Variants in RALYL observed in about 807,000 individuals in gnomAD.
The protein encoded by RALYL is RALY RNA binding protein like.
A neutral mutation model predicts 35.1 loss-of-function variants in RALYL; 29 were observed. The ratio of observed to expected loss-of-function variants is 0.83; its 90% CI spans 0.61 to 1.13. RALYL has a LOEUF of 1.13. Among genes scored for constraint, RALYL ranks in the 50% most tolerant of loss-of-function variants. The pLI is 0.00. For missense variants in RALYL, 359 were observed against 360.4 expected, an observed-to-expected ratio of 1.00 and a Z score of 0.03; for synonymous variants, 120 against 127.6, an observed-to-expected ratio of 0.94 and a Z score of 0.40.
At chr8:84,198,892 T>A (rs1816121897) in intron 1 of RALYL, among the ~76,000 whole-genome samples, 1 of 152,214 alleles carries the variant, frequency 6.6e-6, no homozygotes, top group Non-Finnish European at 1.5e-5. Context: ...TTTATCCATT[T>A]ATCTGTTGAT....
At chr8:84,564,939 A>C (rs2135665157) in intron 2 of RALYL, among the ~76,000 whole-genome samples, 1 of 151,846 alleles carries the variant, frequency 6.6e-6, no homozygotes, top group South Asian at 2.1e-4. Context: ...CTCATGCCGC[A>C]TTCATGCAAT....
chr8:84,763,762 A>T (rs1427014888), intron 2 of RALYL, among the ~76,000 whole-genome samples: 1 of 152,222 alleles, frequency 6.6e-6, no homozygotes, highest in African/African-American at 2.4e-5. Flanking sequence ...AACTTTTTTT[A>T]AAATCCAAAT....
chr8:84,651,184 C>T (rs1392497442), intron 2 of RALYL, among the ~76,000 whole-genome samples: 1 of 151,620 alleles, frequency 6.6e-6, no homozygotes, highest in Non-Finnish European at 1.5e-5. Context: ...AACTAACCTG[C>T]ACATTGTGCA....
chr8:84,455,547 T>A (rs998851275), intron 1 of RALYL, among the ~76,000 whole-genome samples: 1 of 152,082 alleles, frequency 6.6e-6, no homozygotes, highest in Non-Finnish European at 1.5e-5. Context: ...AGGATTCTGT[T>A]TTCTTCATAT....
chr8:84,669,495 C>CCCCTCCCT (rs1554771647), intron 2 of RALYL, among the ~76,000 whole-genome samples: 1 of 77,210 alleles, frequency 1.3e-5, no homozygotes, highest in Non-Finnish European at 2.6e-5. Flanking sequence ...CCTCCCCCCC[C>CCCCTCCCT]CCCCACTCTA....
intron 1 of RALYL, among the ~76,000 whole-genome samples, chr8:84,224,751 G>GTA (rs1823418182): frequency 6.6e-6 from 1 of 151,720 alleles, no homozygotes; most frequent in Non-Finnish European, 1.5e-5. Context: ...CTACCTCCTG[G>GTA]GTTCAAGCAA....
In RALYL at chr8:84,542,244, C is replaced by A. The variant is rs533398714; in HGVS notation, c.256+12667C>A. ...TTTTTTTATACATCATCCGTTTCCT[C>A]CTCAGTACCTGGATTGTTTTGAAGT... is the stretch of plus-strand genomic sequence containing the variant. On this transcript the variant is annotated intron_variant, in intron 2 of 8. Transcript: ENST00000521268. Among the ~76,000 whole-genome samples the A allele has an allele frequency of 4.6e-5, 7 of 152,162 alleles. No individual in the cohort carries two copies. In the South Asian group the frequency reaches 1.0e-3, roughly 23 times the overall value.
At chr8:84,397,702 T>C (rs1355149411) in intron 1 of RALYL, among the ~76,000 whole-genome samples, 1 of 152,214 alleles carries the variant, frequency 6.6e-6, no homozygotes, top group African/African-American at 2.4e-5. Flanking sequence ...CATGAAAATT[T>C]AGGTGTTTCT....
At chr8:84,835,661 C>T (rs920990396) in intron 4 of RALYL, among the ~76,000 whole-genome samples, 9 of 88,212 alleles carry the variant, frequency 1.0e-4, no homozygotes, top group African/African-American at 3.9e-4. Flanking sequence ...CCAGCCTGGG[C>T]AACAAAAGCA....
At chr8:84,552,356 ATATTTTTTTT>A (rs1359629618) in intron 2 of RALYL, among the ~76,000 whole-genome samples, 4 of 49,670 alleles carry the variant, frequency 8.1e-5, no homozygotes, top group African/African-American at 3.4e-4. Flanking sequence ...ATATATATAT[ATATTTTTTTT>A]TTTTTTTTTT....
chr8:84,762,638 A>G (rs1369410064), intron 2 of RALYL, among the ~76,000 whole-genome samples: 2 of 152,188 alleles, frequency 1.3e-5, no homozygotes, highest in Admixed American at 1.3e-4. Flanking sequence ...TGACAGCTGA[A>G]CTCAGGGTCC....
chr8:84,728,639 A>G (rs1845490715), intron 2 of RALYL, among the ~76,000 whole-genome samples: 1 of 151,996 alleles, frequency 6.6e-6, no homozygotes. Context: ...TCCATCTTGA[A>G]TTGATTTTTG....
At chr8:84,361,207 G>T (rs190026549) in intron 1 of RALYL, among the ~76,000 whole-genome samples, 1 of 152,170 alleles carries the variant, frequency 6.6e-6, no homozygotes, top group Non-Finnish European at 1.5e-5. Flanking sequence ...AATCTGAACA[G>T]TAAAATTAGT....
At chr8:84,631,763 T>A (rs753657468) in intron 2 of RALYL, among the ~76,000 whole-genome samples, 1 of 151,960 alleles carries the variant, frequency 6.6e-6, no homozygotes, top group Non-Finnish European at 1.5e-5. Flanking sequence ...AACATCCTTC[T>A]TTTTGATATA....
intron 7 of RALYL, among the ~76,000 whole-genome samples, chr8:84,883,108 A>G (rs941285118): frequency 1.8e-4 from 27 of 151,826 alleles, no homozygotes; most frequent in African/African-American, 6.5e-4. Context: ...TATTTGTTAA[A>G]CTCCTGTGAC....
At chr8:84,879,956 A>C (rs552992181) in intron 7 of RALYL, among the ~76,000 whole-genome samples, 1 of 152,214 alleles carries the variant, frequency 6.6e-6, no homozygotes, top group South Asian at 2.1e-4. Context: ...CTCTGCAAAA[A>C]TAAAAGGCAG....
intron 2 of RALYL, among the ~76,000 whole-genome samples, chr8:84,723,393 A>G (rs182621972): frequency 1.1e-3 from 169 of 152,170 alleles, no homozygotes; most frequent in African/African-American, 4.0e-3. Context: ...TATCACATGC[A>G]TCACACTTAA....
intron 2 of RALYL, among the ~76,000 whole-genome samples, chr8:84,735,835 A>T (rs1167014149): frequency 1.3e-5 from 2 of 151,846 alleles, no homozygotes; most frequent in Non-Finnish European, 2.9e-5. Context: ...AGAGAGAGAG[A>T]GAGAGAGAGA....
At chr8:84,746,618 G>A (rs1006891341) in intron 2 of RALYL, among the ~76,000 whole-genome samples, 3 of 151,842 alleles carry the variant, frequency 2.0e-5, no homozygotes, top group African/African-American at 7.2e-5. Flanking sequence ...CGTAACTTGT[G>A]AGTAGAAAAA....
Sources: gnomAD v4.1 joint callset for allele counts (sites outside exome capture counted in the v4.1 genomes callset) on GRCh38, gnomAD v4.1.1 for gene constraint, MANE v1.5 for transcripts, NCBI Gene and HGNC (gene_info 2026-07-23, HGNC 2026-07-21) for gene names.